CRB1: variants seen among roughly 807,000 people sequenced by gnomAD.
The protein encoded by CRB1 is protein crumbs homolog 1.
CRB1 carries 83 observed loss-of-function variants against 120.0 expected under a neutral mutation model. The observed-to-expected ratio is 0.69, with a 90% CI of 0.58 to 0.83. The LOEUF (loss-of-function observed/expected upper bound fraction) is 0.83. Among genes scored for constraint, CRB1 ranks in the 40% least tolerant of loss-of-function variants. The pLI is 0.00. For synonymous variants in CRB1, 625 were observed against 612.5 expected (o/e 1.02, Z -0.30); for missense variants, 1,699 against 1,687.6 (o/e 1.01, Z -0.12).
intron 8 of CRB1, among the ~76,000 whole-genome samples, chr1:197,432,530 G>A (rs941451110): frequency 2.0e-5 from 3 of 152,000 alleles, no homozygotes; most frequent in Non-Finnish European, 4.4e-5. Flanking sequence ...CAGGATACAG[G>A]ATGGAGTTAT....
intron 5 of CRB1, among the ~76,000 whole-genome samples, chr1:197,373,121 A>G (rs897265245): frequency 6.6e-6 from 1 of 152,106 alleles, no homozygotes; most frequent in East Asian, 1.9e-4. Flanking sequence ...AGTAGCTATA[A>G]CTTTACCTCT....
intron 4 of CRB1, among the ~76,000 whole-genome samples, chr1:197,355,243 C>T (rs1015319944): frequency 1.3e-4 from 20 of 152,196 alleles, no homozygotes; most frequent in African/African-American, 4.8e-4. Flanking sequence ...ATCCACAAAC[C>T]TTGAGCTAGA....
chr1:197,421,087 C>T lies in CRB1; in HGVS notation c.1259C>T (p.Thr420Ile), dbSNP rs551212406. ...GTCENLPGNY[T>I]CHCPFDNLSR... ...TGTGAGAACTTGCCTGGGAATTATACTTGCCATTGCCCATTTGATAACCTT... is the reference window on the plus strand; with the variant it reads ...TGTGAGAACTTGCCTGGGAATTATATTTGCCATTGCCCATTTGATAACCTT... The change falls in exon 6 of 12, where the codon ACT (threonine) becomes ATT (isoleucine). Residue 420 changes from threonine to isoleucine, a missense_variant. By Grantham distance (89) the Thr-to-Ile change is moderately conservative (BLOSUM62 -1). Coordinates refer to ENST00000367400, the MANE Select transcript of CRB1 (RefSeq NM_201253.3). The T allele has an allele frequency of 6.2e-7, 1 of 1,614,250 alleles. No homozygotes were observed. The highest frequency in any genetic ancestry group is 1.1e-5 in the South Asian group (1 of 91,084).
At chr1:197,261,522 AAAG>A in the CRB1 span, among the ~76,000 whole-genome samples, 2 of 152,232 alleles carry the variant, frequency 1.3e-5, no homozygotes, top group Non-Finnish European at 2.9e-5. Context: ...TTATTTAAAA[AAAG>A]AAGCAAAATA....
chr1:197,391,957 G>A (rs1303140341), intron 5 of CRB1, among the ~76,000 whole-genome samples: 1 of 151,964 alleles, frequency 6.6e-6, no homozygotes, highest in Non-Finnish European at 1.5e-5. Flanking sequence ...GCTGAAACTT[G>A]GGGGGCCCAG....
chr1:197,350,246 T>C (rs535278632), intron 4 of CRB1, among the ~76,000 whole-genome samples: 685 of 36,970 alleles, frequency 0.019, 8 homozygotes, highest in African/African-American at 0.024. Context: ...GTTTCCTGTT[T>C]ATTAACTGAG....
At chr1:197,413,117 C>G (rs754402475) in intron 5 of CRB1, among the ~76,000 whole-genome samples, 1 of 152,144 alleles carries the variant, frequency 6.6e-6, no homozygotes, top group African/African-American at 2.4e-5. Context: ...GGCTTCATGA[C>G]CTCTCAGCTT....
intron 11 of CRB1, among the ~76,000 whole-genome samples, chr1:197,477,322 C>T (rs1400895208): frequency 6.6e-6 from 1 of 152,184 alleles, no homozygotes; most frequent in Non-Finnish European, 1.5e-5. Context: ...TAATACGTGG[C>T]TATAGATCTA....
chr1:197,314,530 A>G (rs991702457), intron 1 of CRB1, among the ~76,000 whole-genome samples: 4 of 152,202 alleles, frequency 2.6e-5, no homozygotes, highest in Admixed American at 6.5e-5. Context: ...GTTAGATCTA[A>G]TAATTTTTAT....
intron 1 of CRB1, among the ~76,000 whole-genome samples, chr1:197,315,930 G>C (rs1265288179): frequency 6.6e-6 from 1 of 152,156 alleles, no homozygotes; most frequent in Non-Finnish European, 1.5e-5. Flanking sequence ...TAATCTTAGA[G>C]GTGAACTGAG....
At chr1:197,252,582 A>ATATATATGTGTGTGTGTG in the CRB1 span, among the ~76,000 whole-genome samples, 6 of 15,500 alleles carry the variant, frequency 3.9e-4, no homozygotes, top group African/African-American at 4.9e-4. Flanking sequence ...ATATATATAT[A>ATATATATGTGTGTGTGTG]TGTGTGTGTG....
intron 1 of CRB1, among the ~76,000 whole-genome samples, chr1:197,284,178 T>C (rs189599739): frequency 5.7e-4 from 86 of 152,026 alleles, no homozygotes; most frequent in Non-Finnish European, 1.5e-4. Flanking sequence ...GACTTGAGAT[T>C]CACAATAGAC....
At chr1:197,399,591 A>G (rs1662960521) in intron 5 of CRB1, among the ~76,000 whole-genome samples, 1 of 152,146 alleles carries the variant, frequency 6.6e-6, no homozygotes, top group Non-Finnish European at 1.5e-5. Context: ...CGCATAACAA[A>G]TTTTCCCAAA....
intron 2 of CRB1, among the ~76,000 whole-genome samples, chr1:197,341,739 T>C (rs554405491): frequency 1.8e-4 from 27 of 152,302 alleles, no homozygotes; most frequent in African/African-American, 6.0e-4. Flanking sequence ...TTTAATCCCA[T>C]GGCTTTTGCT....
intron 1 of CRB1, among the ~76,000 whole-genome samples, chr1:197,285,437 G>C (rs1262971442): frequency 6.6e-6 from 1 of 151,776 alleles, no homozygotes; most frequent in Non-Finnish European, 1.5e-5. Flanking sequence ...AGACTAGTTA[G>C]AAGAATGTCA....
intron 3 of CRB1, among the ~76,000 whole-genome samples, chr1:197,345,490 C>CA (rs1193313981): frequency 1.5e-5 from 2 of 137,368 alleles, no homozygotes; most frequent in East Asian, 4.2e-4. Context: ...CAAAAATTTG[C>CA]AAAAATAATG....
At chr1:197,319,544 GA>G (rs1226421922) in intron 1 of CRB1, among the ~76,000 whole-genome samples, 1 of 149,338 alleles carries the variant, frequency 6.7e-6, no homozygotes, top group East Asian at 2.0e-4. Context: ...TGGAAGTAAA[GA>G]GATTTGGTCA....
chr1:197,405,969 G>C (rs1262779569), intron 5 of CRB1, among the ~76,000 whole-genome samples: 2 of 148,432 alleles, frequency 1.3e-5, no homozygotes, highest in South Asian at 4.3e-4. Flanking sequence ...TCAGCCCCCC[G>C]CCCGGCCAGC....
chr1:197,274,004 TG>T (rs1301784080), intron 1 of CRB1, among the ~76,000 whole-genome samples: 1 of 152,098 alleles, frequency 6.6e-6, no homozygotes, highest in Non-Finnish European at 1.5e-5. Context: ...AATATGTCTG[TG>T]TACTAGTCCG....
Sources: allele counts gnomAD v4.1 joint callset (sites outside exome capture counted in the v4.1 genomes callset), GRCh38; gene constraint gnomAD v4.1.1; transcripts MANE v1.5; gene names NCBI Gene and HGNC (gene_info 2026-07-23, HGNC 2026-07-21).